MED23: variants seen among roughly 807,000 people sequenced by gnomAD.
MED23 encodes the protein mediator complex subunit 23, also known as mediator of RNA polymerase II transcription subunit 23.
A neutral mutation model predicts 163.9 loss-of-function variants in MED23; 105 were observed. The ratio of observed to expected loss-of-function variants is 0.64; its 90% CI spans 0.55 to 0.75. The LOEUF is 0.75. Ranked by LOEUF, MED23 falls within the 30% of genes least tolerant of loss-of-function variation. The probability of loss-of-function intolerance (pLI) is 0.00; values close to 1 mark genes in which losing one functional copy is unlikely to be tolerated. For missense variants in MED23, 1,054 were observed against 1,649.0 expected (o/e 0.64, Z 6.25); for synonymous variants, 561 against 565.6 (o/e 0.99, Z 0.12).
intron 10 of MED23, among the ~76,000 whole-genome samples, chr6:131,613,062 C>T (rs1468371948): frequency 6.7e-6 from 1 of 149,396 alleles, no homozygotes; most frequent in East Asian, 2.0e-4. Context: ...CTTTCAAAAT[C>T]ATATTCTCTG....
intron 17 of MED23, among the ~76,000 whole-genome samples, chr6:131,600,840 C>T (rs1775419657): frequency 2.0e-5 from 3 of 152,166 alleles, no homozygotes; most frequent in Admixed American, 2.0e-4. Context: ...TGGTGCCAGA[C>T]TAGATGAAAA....
intron 11 of MED23, 76 bp from the exon 12 acceptor site, chr6:131,608,147 T>C (rs967298933): frequency 1.3e-6 from 2 of 1,534,366 alleles, no homozygotes; most frequent in East Asian, 2.3e-5. Flanking sequence ...TGTTGTTTTT[T>C]TGTTTTTGTT....
chr6:131,626,802 A>C (rs1474866849), intron 3 of MED23, among the ~76,000 whole-genome samples: 1 of 152,250 alleles, frequency 6.6e-6, no homozygotes, highest in Non-Finnish European at 1.5e-5. Flanking sequence ...ACACGCAAAC[A>C]GTTCTCATTT....
chr6:131,616,357 T>A lies in MED23; in HGVS notation c.781-355A>T, dbSNP rs1444926282. On this transcript the variant is annotated intron_variant, in intron 9 of 28. Coordinates refer to ENST00000368068, the MANE Select transcript of MED23 (RefSeq NM_004830.4). ...TTTTTAAATTTTAGCATCTCACTAA[T>A]GTCAATTTATATAGATTTTGTCCTA... Among the ~76,000 whole-genome samples, 4 of 152,248 alleles carry A rather than the reference T, an allele frequency of 2.6e-5. No homozygotes were observed. In the East Asian group the frequency reaches 7.7e-4, roughly 29 times the overall value.
intron 10 of MED23, among the ~76,000 whole-genome samples, chr6:131,611,156 T>TC (rs374147779): frequency 3.1e-4 from 47 of 151,982 alleles, no homozygotes; most frequent in African/African-American, 1.1e-3. Flanking sequence ...TACAGATCTT[T>TC]CCCCCTAAAC....
intron 12 of MED23, 121 bp from the exon 13 acceptor site, chr6:131,606,745 C>T (rs1035393435): frequency 2.3e-6 from 2 of 884,158 alleles, no homozygotes. Context: ...CTTACTTTAG[C>T]CCCGATAATT....
At chr6:131,619,070 A>T (rs577961426) in intron 8 of MED23, among the ~76,000 whole-genome samples, 1 of 152,292 alleles carries the variant, frequency 6.6e-6, no homozygotes, top group African/African-American at 2.4e-5. Context: ...TCCTACAAGC[A>T]CCTCAAGCTT....
intron 15 of MED23, 137 bp from the exon 16 acceptor site, chr6:131,603,341 T>C: frequency 1.2e-6 from 1 of 826,814 alleles, no homozygotes. Flanking sequence ...ATATTCTCCA[T>C]ATTTTCTTAT....
At position 131,596,028 on chromosome 6, in the gene MED23, G is replaced by A. The variant is rs778125304; in HGVS notation, c.2914C>T (p.His972Tyr). 8 of 1,613,738 alleles carry A rather than the reference G, an allele frequency of 5.0e-6. No individual in the cohort carries two copies. The highest frequency in any genetic ancestry group is 3.4e-6 in the Non-Finnish European group (4 of 1,179,900). Residue 972 changes from histidine (H) to tyrosine (Y), a missense_variant, in exon 22 of 29, where the codon CAC becomes TAC. By Grantham distance (83) the His-to-Tyr change is moderately conservative (BLOSUM62 2). Around this residue, in one of 11 missense-constraint regions of MED23, gnomAD observed 228 missense variants for 461.3 expected, o/e 0.49. Transcript: ENST00000368068. Reference sequence around the variant, plus strand: ...ACCGGAAGCAACTCTAAAAATCTGTGGATTACTATATCAAATACTGGAAGG... The same window carrying A: ...ACCGGAAGCAACTCTAAAAATCTGTAGATTACTATATCAAATACTGGAAGG... ...RFLPVFDIVIHRFLELLPVSK... is the reference protein window; with the variant it reads ...RFLPVFDIVIYRFLELLPVSK...
At chr6:131,617,043 G>A (rs1390160537) in intron 9 of MED23, among the ~76,000 whole-genome samples, 1 of 151,314 alleles carries the variant, frequency 6.6e-6, no homozygotes, top group Non-Finnish European at 1.5e-5. Flanking sequence ...AGTTATATTT[G>A]TTAATTTTGC....
In MED23 at chr6:131,596,593, A is replaced by G; in HGVS notation, c.2703T>C (p.Ser901=). 4 of 1,614,192 alleles carry G rather than the reference A, an allele frequency of 2.5e-6. No homozygotes were observed. Among genetic ancestry groups the G allele is most frequent in the South Asian group, 2.2e-5 (2 of 91,090 alleles). The change falls in exon 21 of 29, where the codon AGT becomes AGC. Residue 901 remains serine, a synonymous_variant. Transcript: ENST00000368068. Reference sequence around the variant, plus strand: ...CTGGGGAATTTTCCTTCACAAAGTCACTTACTCGATTTCTAAAATCGTTTG... The same window carrying G: ...CTGGGGAATTTTCCTTCACAAAGTCGCTTACTCGATTTCTAAAATCGTTTG... The part of the protein sequence containing the change: ...LKPNDFRNRV[S]DFVKENSPEH...
intron 27 of MED23, 59 bp from the exon 28 acceptor site, chr6:131,589,655 G>C: frequency 6.5e-7 from 1 of 1,545,638 alleles, no homozygotes; most frequent in Non-Finnish European, 8.9e-7. Context: ...AATTCAGCAT[G>C]ATGCAGCTGG....
rs545346431 is a variant in MED23, at chr6:131,587,703, G to A, written c.4083C>T (p.Pro1361=). Residue 1361 remains proline, a synonymous_variant, in exon 29 of 29, where the codon CCC becomes CCT. Transcript: ENST00000368068. The stretch of plus-strand genomic sequence containing the variant: ...TTCACTGAGTTACTGGTAAAGACAC[G>A]GGCACCTGATTAGACTGAGGTGCTG... ...GSPAPQSNQV[P]VSLPVTQ 3.0e-5 allele frequency: 48 copies of A among 1,614,022 alleles called. No homozygotes were observed. The East Asian group carries it at 6.7e-4, about 22-fold the overall frequency.
At chr6:131,584,509 T>C (rs529068238), downstream of MED23, among the ~76,000 whole-genome samples, 129 of 152,186 alleles carry the variant, frequency 8.5e-4, no homozygotes, top group African/African-American at 3.0e-3. Context: ...TGTGAGGCCT[T>C]GAAACTATTT....
intron 26 of MED23, 140 bp from the exon 27 acceptor site, chr6:131,590,582 A>C: frequency 1.8e-6 from 1 of 550,250 alleles, no homozygotes; most frequent in Middle Eastern, 5.1e-4. Context: ...TAATATTTCT[A>C]ATTAATCTCA....
At chr6:131,616,303 C>G (rs1776686779) in intron 9 of MED23, among the ~76,000 whole-genome samples, 1 of 152,156 alleles carries the variant, frequency 6.6e-6, no homozygotes, top group Admixed American at 6.5e-5. Context: ...TTCTACTATC[C>G]TTTCCCTGAA....
chr6:131,615,443 AC>A, intron 10 of MED23: 1 of 1,055,836 alleles, frequency 9.5e-7, no homozygotes, highest in African/African-American at 1.7e-5. Flanking sequence ...GCCTCAAGGA[AC>A]CCAGAGTCAG....
intron 12 of MED23, 111 bp from the exon 13 acceptor site, chr6:131,606,735 C>T (rs1775880335): frequency 1.0e-6 from 1 of 962,728 alleles, no homozygotes. Flanking sequence ...CATATCATGT[C>T]TTACTTTAGC....
intron 8 of MED23, among the ~76,000 whole-genome samples, chr6:131,619,217 A>G (rs1776907546): frequency 6.6e-6 from 1 of 152,166 alleles, no homozygotes; most frequent in African/African-American, 2.4e-5. Flanking sequence ...TTGTATTTGT[A>G]TTTTCAGTAT....
Sources: allele counts gnomAD v4.1 joint callset (sites outside exome capture counted in the v4.1 genomes callset), GRCh38; gene constraint gnomAD v4.1.1; regional missense constraint gnomAD v4.1.1; transcripts MANE v1.5; gene names NCBI Gene and HGNC (gene_info 2026-07-23, HGNC 2026-07-21).